LAMA2: variants seen among roughly 807,000 people sequenced by gnomAD.
LAMA2 encodes laminin subunit alpha 2.
Under a neutral mutation model 364.8 loss-of-function variants are expected in LAMA2, and 269 were observed. That is an observed-to-expected ratio of 0.74 (90% CI 0.67 to 0.82). The LOEUF is 0.82. LAMA2 is among the 40% of genes least tolerant of loss of function. LAMA2 has a pLI of 0.00. For synonymous variants in LAMA2, 1,379 were observed against 1,370.6 expected (o/e 1.01, Z -0.14); for missense variants, 3,807 against 3,873.2 (o/e 0.98, Z 0.45).
intron 27 of LAMA2, among the ~76,000 whole-genome samples, chr6:129,319,992 G>C (rs150582392): frequency 6.6e-5 from 10 of 152,168 alleles, no homozygotes; most frequent in African/African-American, 2.2e-4. Flanking sequence ...AATTAGCTGG[G>C]CGTGGTGTTG....
chr6:129,163,008 A>G (rs1779530589), intron 8 of LAMA2, among the ~76,000 whole-genome samples: 1 of 152,200 alleles, frequency 6.6e-6, no homozygotes. Context: ...TGATGTGTCT[A>G]TGTTTGGCTT....
intron 35 of LAMA2, among the ~76,000 whole-genome samples, chr6:129,386,024 C>T (rs1304713110): frequency 2.0e-5 from 3 of 152,120 alleles, no homozygotes; most frequent in Non-Finnish European, 2.9e-5. Context: ...CTGCATTGAA[C>T]GTTATGGCAT....
chr6:129,402,316 C>T lies in LAMA2; in HGVS notation c.5563-8C>T. The T allele has an allele frequency of 2.5e-6, 4 of 1,609,140 alleles. No individual in the cohort carries two copies. The highest frequency in any genetic ancestry group is 1.3e-5 in the African/African-American group (1 of 74,796). On this transcript the variant is annotated splice_region_variant and splice_polypyrimidine_tract_variant and intron_variant, in intron 38 of 64. Transcript: ENST00000421865. ...CTTGCTTAAAATGCCCTCTTCTCTA[C>T]ATATCAGTATGTTGAAGACATCCAA...
chr6:129,188,589 G>C (rs1781362156), intron 10 of LAMA2, among the ~76,000 whole-genome samples: 1 of 151,848 alleles, frequency 6.6e-6, no homozygotes, highest in Non-Finnish European at 1.5e-5. Flanking sequence ...GTGCTTTGGG[G>C]ATTTATTTGT....
intron 1 of LAMA2, among the ~76,000 whole-genome samples, chr6:128,883,945 C>T (rs1775999408): frequency 6.6e-6 from 1 of 152,018 alleles, no homozygotes; most frequent in South Asian, 2.1e-4. Flanking sequence ...CCTCCAGCCT[C>T]ACCTTTTTCA....
intron 1 of LAMA2, among the ~76,000 whole-genome samples, chr6:128,949,330 C>T (rs1203681730): frequency 1.3e-5 from 2 of 152,024 alleles, no homozygotes; most frequent in African/African-American, 4.8e-5. Flanking sequence ...ACCCACCCCA[C>T]CCTGCCCCAG....
At chr6:129,448,186 G>T (rs1782487365) in intron 45 of LAMA2, among the ~76,000 whole-genome samples, 1 of 152,086 alleles carries the variant, frequency 6.6e-6, no homozygotes, top group East Asian at 1.9e-4. Flanking sequence ...TTGGGGAGAT[G>T]AGGTGGGAGG....
At chr6:129,427,966 T>C (rs1468808237) in intron 41 of LAMA2, 112 bp downstream of exon 41, 1 of 764,730 alleles carries the variant, frequency 1.3e-6, no homozygotes, top group East Asian at 2.6e-5. Flanking sequence ...TTTGTGATGA[T>C]TCTATAATCT....
At chr6:129,513,128 C>T (rs117867993) in intron 63 of LAMA2, among the ~76,000 whole-genome samples, 4,558 of 152,282 alleles carry the variant, frequency 0.03, 122 homozygotes, top group South Asian at 0.078. Context: ...CACAAGTTTT[C>T]TATTTGGTTA....
chr6:129,340,196 A>C (rs1012679682), intron 29 of LAMA2, among the ~76,000 whole-genome samples: 6 of 152,176 alleles, frequency 3.9e-5, no homozygotes, highest in Non-Finnish European at 7.3e-5. Context: ...TAAAGGGAGA[A>C]TGGGAGATGA....
chr6:129,241,033 G>T (rs758922405), intron 12 of LAMA2, among the ~76,000 whole-genome samples: 1 of 152,126 alleles, frequency 6.6e-6, no homozygotes, highest in South Asian at 2.1e-4. Flanking sequence ...AGCTCAAATA[G>T]ATACATCTCC....
At chr6:129,465,074 C>A in intron 50 of LAMA2, 71 bp from the exon 51 acceptor site, 1 of 1,281,050 alleles carries the variant, frequency 7.8e-7, no homozygotes, top group Non-Finnish European at 1.1e-6. Context: ...ACATAAACCA[C>A]ACAAGAAAAG....
intron 63 of LAMA2, 147 bp from the exon 64 acceptor site, chr6:129,514,225 TA>T: frequency 2.9e-6 from 2 of 692,800 alleles, no homozygotes; most frequent in Non-Finnish European, 5.2e-6. Flanking sequence ...TGTCAAGTTT[TA>T]AAATTTTTTT....
At chr6:129,514,710 C>T in intron 64 of LAMA2, 115 bp downstream of exon 64, 1 of 850,438 alleles carries the variant, frequency 1.2e-6, no homozygotes, top group Non-Finnish European at 2.0e-6. Flanking sequence ...TGCTTCCTAG[C>T]TTTAGAATCT....
chr6:129,388,953 T>C (rs1185462086), intron 35 of LAMA2, among the ~76,000 whole-genome samples: 4 of 152,162 alleles, frequency 2.6e-5, no homozygotes, highest in South Asian at 2.1e-4. Flanking sequence ...CATTTAATCA[T>C]TGGTACTCTG....
intron 29 of LAMA2, among the ~76,000 whole-genome samples, chr6:129,332,828 CT>C (rs1775732117): frequency 6.8e-6 from 1 of 148,092 alleles, no homozygotes; most frequent in South Asian, 2.1e-4. Context: ...TATCCAATAA[CT>C]TTTATTTTAG....
chr6:129,094,561 A>G (rs1050546879), intron 3 of LAMA2, among the ~76,000 whole-genome samples: 3 of 152,188 alleles, frequency 2.0e-5, no homozygotes, highest in Non-Finnish European at 2.9e-5. Flanking sequence ...GCCTTATCAC[A>G]TATTTGCATA....
At chr6:129,260,607 G>A in intron 14 of LAMA2, 104 bp from the exon 15 acceptor site, 1 of 781,998 alleles carries the variant, frequency 1.3e-6, no homozygotes, top group Admixed American at 1.7e-5. Flanking sequence ...TTCTCAGCAT[G>A]CATAATTGGC....
intron 17 of LAMA2, among the ~76,000 whole-genome samples, chr6:129,279,167 AACAGACCTT>A (rs1367608113): frequency 6.6e-6 from 1 of 152,206 alleles, no homozygotes; most frequent in East Asian, 1.9e-4. Flanking sequence ...ACGGTAGCGC[AACAGACCTT>A]ACAGAATTCA....
Sources: allele counts gnomAD v4.1 joint callset (sites outside exome capture counted in the v4.1 genomes callset), GRCh38; gene constraint gnomAD v4.1.1; transcripts MANE v1.5; gene names NCBI Gene and HGNC (gene_info 2026-07-23, HGNC 2026-07-21).